Variants in MSR1 observed in about 807,000 individuals in gnomAD.
The protein encoded by MSR1 is macrophage scavenger receptor 1.
In MSR1, 53 loss-of-function variants were observed where a neutral mutation model predicts 47.2. That is an observed-to-expected ratio of 1.12 (90% CI 0.90 to 1.41). The LOEUF (loss-of-function observed/expected upper bound fraction) is 1.41. Ranked by LOEUF, MSR1 falls within the 40% of genes most tolerant of loss-of-function variation. MSR1 has a pLI of 0.00. For synonymous variants in MSR1, 239 were observed against 185.6 expected (o/e 1.29, Z -2.34); for missense variants, 786 against 546.9 (o/e 1.44, Z -4.36).
At chr8:16,114,133 T>C (rs1799823718) in intron 9 of MSR1, among the ~76,000 whole-genome samples, 1 of 152,104 alleles carries the variant, frequency 6.6e-6, no homozygotes, top group Admixed American at 6.5e-5. Flanking sequence ...CCCTTTGATA[T>C]ATTTATTTAT....
intron 6 of MSR1, among the ~76,000 whole-genome samples, chr8:16,151,630 A>G (rs1276431281): frequency 6.6e-6 from 1 of 152,158 alleles, no homozygotes; most frequent in East Asian, 1.9e-4. Context: ...CTCATGGACA[A>G]TATAAGTACA....
intron 8 of MSR1, chr8:16,140,559 G>T (rs1212193303): frequency 9.6e-7 from 1 of 1,038,532 alleles, no homozygotes; most frequent in Non-Finnish European, 1.2e-6. Context: ...TCACACAAGT[G>T]TTATATTGTA....
At chr8:16,115,226 C>A (rs1170596328) in intron 9 of MSR1, among the ~76,000 whole-genome samples, 1 of 152,092 alleles carries the variant, frequency 6.6e-6, no homozygotes, top group Non-Finnish European at 1.5e-5. Context: ...TAATGATGTA[C>A]AATATGATAT....
intron 7 of MSR1, among the ~76,000 whole-genome samples, chr8:16,147,070 G>A (rs377019842): frequency 1.3e-5 from 2 of 152,288 alleles, no homozygotes; most frequent in East Asian, 1.9e-4. Flanking sequence ...ACAGAAGTAC[G>A]TTATTTGCAT....
At chr8:16,152,657 A>C (rs1464317009) in intron 6 of MSR1, among the ~76,000 whole-genome samples, 4 of 152,078 alleles carry the variant, frequency 2.6e-5, no homozygotes, top group Non-Finnish European at 4.4e-5. Flanking sequence ...ACAGCTTCTT[A>C]GATGGCCCAC....
At chr8:16,138,814 C>T (rs1030786740) in intron 8 of MSR1, among the ~76,000 whole-genome samples, 1 of 152,188 alleles carries the variant, frequency 6.6e-6, no homozygotes, top group Admixed American at 6.5e-5. Flanking sequence ...TCAGGAGTAT[C>T]TGAACAAGTG....
chr8:16,174,184 C>A (rs1801571315), intron 3 of MSR1, among the ~76,000 whole-genome samples: 1 of 152,120 alleles, frequency 6.6e-6, no homozygotes, highest in African/African-American at 2.4e-5. Flanking sequence ...GGAATTTTTG[C>A]TCTGTCTTGG....
At chr8:16,177,860 T>G in intron 2 of MSR1, 26 bp downstream of exon 2, 2 of 1,580,558 alleles carry the variant, frequency 1.3e-6, no homozygotes, top group Non-Finnish European at 1.7e-6. Context: ...ACAACCTCCA[T>G]GGGCAGCCCA....
intron 1 of MSR1, among the ~76,000 whole-genome samples, chr8:16,183,153 A>G (rs1801885380): frequency 6.6e-6 from 1 of 152,142 alleles, no homozygotes; most frequent in South Asian, 2.1e-4. Context: ...CTTTCCTTTC[A>G]GGCTACCTAC....
At chr8:16,144,827 AT>A (rs1195740063) in intron 7 of MSR1, among the ~76,000 whole-genome samples, 3 of 152,070 alleles carry the variant, frequency 2.0e-5, no homozygotes, top group African/African-American at 7.2e-5. Context: ...TTCTCAGAGA[AT>A]GAGAGAAAAA....
At chr8:16,176,324 T>A (rs1453103325) in intron 2 of MSR1, among the ~76,000 whole-genome samples, 2 of 151,916 alleles carry the variant, frequency 1.3e-5, no homozygotes, top group Non-Finnish European at 2.9e-5. Flanking sequence ...CTGGGCAACA[T>A]GGAGAAACCC....
intron 8 of MSR1, among the ~76,000 whole-genome samples, chr8:16,142,873 G>A (rs1005315190): frequency 5.3e-5 from 8 of 152,012 alleles, no homozygotes; most frequent in East Asian, 1.9e-4. Context: ...GAAGTTAAGT[G>A]GGGATTCCAC....
chr8:16,113,699 A>C (rs1480291834), intron 9 of MSR1, among the ~76,000 whole-genome samples: 4 of 152,188 alleles, frequency 2.6e-5, no homozygotes, highest in African/African-American at 9.6e-5. Context: ...TGCAGAATAA[A>C]GGAGTAAGGC....
intron 1 of MSR1, chr8:16,186,300 TTC>T (rs1432835481): frequency 4.6e-6 from 5 of 1,081,972 alleles, no homozygotes; most frequent in Non-Finnish European, 5.4e-6. Context: ...CTGTTCTGTT[TTC>T]TCTCCTATTT....
Position 16,121,827 on chromosome 8 carries a change from T to C in MSR1, c.1034-1221A>G, listed in dbSNP as rs543672157. ...GAATGGGTTTTTGGAGCTCAATTAA[T>C]TGAAGAAATATTCAGTAACTTCTTT... On this transcript the variant is annotated intron_variant, in intron 8 of 9. Transcript: ENST00000262101. Among the ~76,000 whole-genome samples the C allele has an allele frequency of 5.3e-5, 8 of 151,870 alleles. No homozygotes were observed. The South Asian group carries it at 1.7e-3, about 31-fold the overall frequency.
chr8:16,189,650 TTA>T (rs1269774453), intron 1 of MSR1, among the ~76,000 whole-genome samples: 1 of 52,362 alleles, frequency 1.9e-5, no homozygotes, highest in Non-Finnish European at 3.6e-5. Context: ...AAATCTTATT[TTA>T]TATATATTTT....
intron 8 of MSR1, among the ~76,000 whole-genome samples, chr8:16,122,581 T>G (rs528693353): frequency 1.3e-5 from 2 of 152,094 alleles, no homozygotes; most frequent in Non-Finnish European, 2.9e-5. Context: ...CCTGGAGCAG[T>G]GGTTCTCAAA....
intron 7 of MSR1, among the ~76,000 whole-genome samples, chr8:16,144,517 G>A (rs949368395): frequency 6.6e-6 from 1 of 152,004 alleles, no homozygotes; most frequent in African/African-American, 2.4e-5. Context: ...TCATCCTAGA[G>A]CTCAGAGGAT....
intron 1 of MSR1, among the ~76,000 whole-genome samples, chr8:16,191,300 G>C (rs1055421025): frequency 1.3e-5 from 2 of 152,110 alleles, no homozygotes; most frequent in African/African-American, 4.8e-5. Flanking sequence ...ATCAACTTTT[G>C]AATCTGAAAT....
Sources: gnomAD v4.1 joint callset for allele counts (sites outside exome capture counted in the v4.1 genomes callset) on GRCh38, gnomAD v4.1.1 for gene constraint, MANE v1.5 for transcripts, NCBI Gene and HGNC (gene_info 2026-07-23, HGNC 2026-07-21) for gene names.